ESR1: variants seen among roughly 807,000 people sequenced by gnomAD.
ESR1 encodes the protein estrogen receptor.
A neutral mutation model predicts 52.7 loss-of-function variants in ESR1; 12 were observed. The observed-to-expected ratio is 0.23, with a 90% confidence interval of 0.15 to 0.37. ESR1 has a LOEUF of 0.37. ESR1 is among the 10% of genes least tolerant of loss of function. The pLI is 1.00. For missense variants in ESR1, 584 were observed against 779.7 expected (o/e 0.75, Z 2.99); for synonymous variants, 305 against 316.8 (o/e 0.96, Z 0.39).
At chr6:151,877,218 G>A (rs959397569) in intron 2 of ESR1, among the ~76,000 whole-genome samples, 1 of 151,764 alleles carries the variant, frequency 6.6e-6, no homozygotes, top group South Asian at 2.1e-4. Flanking sequence ...CCACTAACTC[G>A]TCATCTAGCA....
chr6:151,778,536 G>A (rs545682337), intron 2 of ESR1, among the ~76,000 whole-genome samples: 1 of 152,006 alleles, frequency 6.6e-6, no homozygotes, highest in Non-Finnish European at 1.5e-5. Flanking sequence ...CTCCCCAGTA[G>A]CTGGGATTAC....
chr6:152,052,595 C>T (rs1447003417), intron 5 of ESR1, among the ~76,000 whole-genome samples: 1 of 151,944 alleles, frequency 6.6e-6, no homozygotes. Context: ...AATAGTTACC[C>T]CGTGGTCTTT....
chr6:151,996,881 T>C (rs1036461658), intron 4 of ESR1, among the ~76,000 whole-genome samples: 1 of 152,028 alleles, frequency 6.6e-6, no homozygotes, highest in Admixed American at 6.6e-5. Flanking sequence ...GGAATCTCAT[T>C]TTTTGGGTAA....
intron 4 of ESR1, among the ~76,000 whole-genome samples, chr6:151,979,068 ATCTTG>A (rs1231939860): frequency 6.6e-6 from 1 of 152,206 alleles, no homozygotes; most frequent in African/African-American, 2.4e-5. Flanking sequence ...TGCTCTATGC[ATCTTG>A]CATCTCTGGT....
intron 2 of ESR1, among the ~76,000 whole-genome samples, chr6:151,749,570 C>T (rs796202580): frequency 7.2e-5 from 11 of 152,292 alleles, no homozygotes; most frequent in African/African-American, 1.9e-4. Context: ...CTCCCCATAG[C>T]CATTTCCTCT....
intron 2 of ESR1, among the ~76,000 whole-genome samples, chr6:151,879,596 G>C (rs9340839): frequency 0.011 from 1,651 of 152,050 alleles, 12 homozygotes; most frequent in Middle Eastern, 0.024. Context: ...AAAGAAAGAG[G>C]GTTCATCATA....
At chr6:152,003,659 T>A (rs1284565227) in intron 4 of ESR1, among the ~76,000 whole-genome samples, 1 of 151,972 alleles carries the variant, frequency 6.6e-6, no homozygotes, top group Non-Finnish European at 1.5e-5. Flanking sequence ...CCTTTTCTTG[T>A]TACCAAATTT....
At chr6:151,900,587 T>C (rs1796522593) in intron 3 of ESR1, among the ~76,000 whole-genome samples, 1 of 152,202 alleles carries the variant, frequency 6.6e-6, no homozygotes, top group Non-Finnish European at 1.5e-5. Context: ...CTGAGGGAAG[T>C]ACTAGGGCTC....
At chr6:151,680,889 T>C (rs1409575120) in intron 1 of ESR1, among the ~76,000 whole-genome samples, 1 of 152,196 alleles carries the variant, frequency 6.6e-6, no homozygotes, top group Admixed American at 6.5e-5. Context: ...CCTGAAATCC[T>C]GTTCGAGTCG....
chr6:152,110,992 C>T (rs2051125690), intron 6 of ESR1, among the ~76,000 whole-genome samples: 1 of 152,122 alleles, frequency 6.6e-6, no homozygotes, highest in Non-Finnish European at 1.5e-5. Flanking sequence ...TGGTTTTCCT[C>T]TGTACCTTGG....
At chr6:151,796,034 C>T (rs1391054326) in intron 2 of ESR1, among the ~76,000 whole-genome samples, 2 of 150,462 alleles carry the variant, frequency 1.3e-5, no homozygotes, top group East Asian at 2.0e-4. Flanking sequence ...GGCATGGTGG[C>T]GGGTGCCTGT....
At chr6:152,041,495 A>G (rs527909180) in intron 5 of ESR1, among the ~76,000 whole-genome samples, 3 of 152,354 alleles carry the variant, frequency 2.0e-5, no homozygotes, top group African/African-American at 7.2e-5. Flanking sequence ...TCATCTTAGA[A>G]GGAATATCTT....
chr6:151,801,921 G>A (rs978766339), upstream of ESR1, among the ~76,000 whole-genome samples: 3 of 152,188 alleles, frequency 2.0e-5, 1 homozygote, highest in South Asian at 6.2e-4. Context: ...AGAGATCATG[G>A]TCCATAGAGA....
chr6:151,982,386 A>G (rs1175345790), intron 4 of ESR1, among the ~76,000 whole-genome samples: 1 of 152,264 alleles, frequency 6.6e-6, no homozygotes, highest in Non-Finnish European at 1.5e-5. Context: ...TAGAATGTCT[A>G]GAACAGTGCT....
intron 1 of ESR1, among the ~76,000 whole-genome samples, chr6:151,837,098 T>C (rs1345091984): frequency 7.3e-5 from 11 of 151,638 alleles, no homozygotes; most frequent in Non-Finnish European, 1.6e-4. Context: ...CTGGACCCAA[T>C]ATGAATACCT....
intron 5 of ESR1, among the ~76,000 whole-genome samples, chr6:152,030,898 C>G (rs1007915910): frequency 6.6e-6 from 1 of 152,188 alleles, no homozygotes. Flanking sequence ...GTAAAACACT[C>G]CTCAGCAAAT....
intron 4 of ESR1, among the ~76,000 whole-genome samples, chr6:151,956,603 A>C (rs979090237): frequency 6.6e-6 from 1 of 152,012 alleles, no homozygotes; most frequent in Non-Finnish European, 1.5e-5. Flanking sequence ...AATAACATAG[A>C]ATAGTTTAGT....
At chr6:151,972,688 G>T (rs1299201159) in intron 4 of ESR1, among the ~76,000 whole-genome samples, 2 of 152,140 alleles carry the variant, frequency 1.3e-5, no homozygotes, top group East Asian at 3.8e-4. Context: ...TCTCTAGAGG[G>T]ACAGAACTAA....
intron 2 of ESR1, among the ~76,000 whole-genome samples, chr6:151,732,451 C>T (rs1192728557): frequency 6.6e-6 from 1 of 151,924 alleles, no homozygotes; most frequent in Non-Finnish European, 1.5e-5. Flanking sequence ...TATGAGCAAG[C>T]AACACTATTT....
Sources: allele counts gnomAD v4.1 joint callset (sites outside exome capture counted in the v4.1 genomes callset), GRCh38; gene constraint gnomAD v4.1.1; transcripts MANE v1.5; gene names NCBI Gene and HGNC (gene_info 2026-07-23, HGNC 2026-07-21).